Variants in SNW1 observed in about 807,000 individuals in gnomAD.
SNW1 encodes the protein SNW domain-containing protein 1.
A neutral mutation model predicts 75.6 loss-of-function variants in SNW1; 9 were observed. The observed-to-expected ratio is 0.12, with a 90% confidence interval of 0.07 to 0.21. The LOEUF is 0.21. SNW1 is among the 10% of genes least tolerant of loss of function. SNW1 has a pLI of 1.00. For missense variants in SNW1, 409 were observed against 670.9 expected (o/e 0.61, Z 4.31); for synonymous variants, 200 against 219.1 (o/e 0.91, Z 0.77).
chr14:77,744,446 C>CAAAAAAAAAAAAAAAAAAAAAAAAAGTAA (rs11335115), intron 3 of SNW1, among the ~76,000 whole-genome samples: 2 of 82,964 alleles, frequency 2.4e-5, no homozygotes, highest in Non-Finnish European at 2.2e-5. Flanking sequence ...GTCTCCATCT[C>CAAAAAAAAAAAAAAAAAAAAAAAAAGTAA]AAAAAAAAAA....
At chr14:77,722,472 T>C in intron 11 of SNW1, 1 of 454,118 alleles carries the variant, frequency 2.2e-6, no homozygotes, top group Non-Finnish European at 4.4e-6. Flanking sequence ...TAAAATGATC[T>C]CAATAAAAGC....
chr14:77,720,507 T>C (rs2080530510), intron 12 of SNW1: 1 of 714,526 alleles, frequency 1.4e-6, no homozygotes, highest in Admixed American at 2.0e-5. Flanking sequence ...AATTTCTTTC[T>C]TCTCCTAGTG....
chr14:77,760,552 G>A (rs1327341906), intron 1 of SNW1: 10 of 660,282 alleles, frequency 1.5e-5, no homozygotes, highest in Non-Finnish European at 2.2e-5. Flanking sequence ...GAAATTCTAA[G>A]CTCCAAAGTT....
intron 3 of SNW1, among the ~76,000 whole-genome samples, chr14:77,744,307 T>C (rs2080741656): frequency 6.6e-6 from 1 of 150,974 alleles, no homozygotes; most frequent in African/African-American, 2.4e-5. Context: ...ACAAAAAAAT[T>C]AGCTGGGCAT....
intron 2 of SNW1, among the ~76,000 whole-genome samples, chr14:77,751,842 A>AC: frequency 8.1e-6 from 1 of 124,168 alleles, no homozygotes; most frequent in South Asian, 2.8e-4. Context: ...ACACACACAC[A>AC]CACCACACAC....
chr14:77,751,847 A>ACAC lies in SNW1; in HGVS notation c.169-370_169-368dup, dbSNP rs1566836255. ...ACACACACACACACACACACACACCACACACACACACACACAAAGCATTTT... is the reference window on the plus strand; with the variant it reads ...ACACACACACACACACACACACACCACACCACACACACACACACAAAGCATTTT... On this transcript the variant is annotated intron_variant, in intron 2 of 13. Coordinates refer to ENST00000261531, the MANE Select transcript of SNW1 (RefSeq NM_012245.3). Among the ~76,000 whole-genome samples, 218 of 124,882 alleles carry ACAC rather than the reference A, an allele frequency of 1.7e-3. 2 individuals carry two copies. The Middle Eastern group carries it at 0.026, about 15-fold the overall frequency. The allele number at this position is 124,882 out of a possible 152,430, so 81.9% of individuals were successfully genotyped here.
At chr14:77,727,903 T>C (rs551087434) in intron 10 of SNW1, among the ~76,000 whole-genome samples, 19 of 152,318 alleles carry the variant, frequency 1.2e-4, no homozygotes, top group South Asian at 4.1e-4. Flanking sequence ...AATGACCTTG[T>C]AGAATGAATT....
At chr14:77,754,375 TAGAA>T (rs1040849531) in intron 2 of SNW1, among the ~76,000 whole-genome samples, 7 of 152,216 alleles carry the variant, frequency 4.6e-5, no homozygotes, top group Non-Finnish European at 1.0e-4. Flanking sequence ...AAGCTAGAGA[TAGAA>T]AGAGCTATTC....
At chr14:77,753,474 T>C (rs1016696186) in intron 2 of SNW1, among the ~76,000 whole-genome samples, 2 of 152,050 alleles carry the variant, frequency 1.3e-5, no homozygotes, top group East Asian at 3.9e-4. Context: ...TAAATAACAC[T>C]ATCAGAGAGA....
intron 3 of SNW1, among the ~76,000 whole-genome samples, chr14:77,747,151 G>A (rs1026488494): frequency 7.2e-5 from 11 of 152,198 alleles, no homozygotes; most frequent in African/African-American, 1.7e-4. Flanking sequence ...GCTCCTAACC[G>A]TGAGTGATCT....
Position 77,725,554 on chromosome 14 carries a change from C to T in SNW1, c.1034-2277G>A, listed in dbSNP as rs1002396155. 3.9e-5 allele frequency among the ~76,000 whole-genome samples: 6 copies of T among 152,276 alleles called. No homozygotes were observed. In the East Asian group the frequency reaches 5.8e-4, roughly 15 times the overall value. On this transcript the variant is annotated intron_variant, in intron 10 of 13. Transcript: ENST00000261531. ...TTTCATTCTTTTGCATGTGACTATT[C>T]GGTTTTCACAGCATTATGTATTGAA...
Position 77,734,928 on chromosome 14 carries a change from G to A in SNW1, c.774+19C>T. The A allele has an allele frequency of 6.4e-7, 1 of 1,560,806 alleles. No individual in the cohort carries two copies. The highest frequency in any genetic ancestry group is 8.8e-7 in the Non-Finnish European group (1 of 1,132,254). The stretch of plus-strand genomic sequence containing the variant: ...CCAGTAGGTTATACTAATAGAGACT[G>A]ATTTGACAACTTAATTACCTTTGCA... On this transcript the variant is annotated intron_variant, in intron 8 of 13. Coordinates refer to ENST00000261531, the MANE Select transcript of SNW1 (RefSeq NM_012245.3).
At position 77,738,811 on chromosome 14, in the gene SNW1, G is replaced by A. The variant is rs753124672; in HGVS notation, c.500C>T (p.Ala167Val). The A allele has an allele frequency of 2.9e-5, 47 of 1,614,130 alleles. No homozygotes were observed. The highest frequency in any genetic ancestry group is 3.2e-5 in the Non-Finnish European group (38 of 1,180,004). The change falls in exon 5 of 14, where the codon GCA becomes GTA. Residue 167 changes from alanine to valine, a missense_variant. Transcript: ENST00000261531. ...QKVAAAMPVR[A>V]ADKLAPAQYI... Reference sequence around the variant, plus strand: ...CTGAGCAGGAGCCAATTTGTCAGCTGCTCGAACTGGCATGGCTGCGGCGAC... The same window carrying A: ...CTGAGCAGGAGCCAATTTGTCAGCTACTCGAACTGGCATGGCTGCGGCGAC...
intron 12 of SNW1, chr14:77,720,371 G>A: frequency 1.6e-6 from 1 of 621,384 alleles, no homozygotes; most frequent in Non-Finnish European, 2.9e-6. Flanking sequence ...CTGACCTCAG[G>A]TGATCTGCCC....
intron 11 of SNW1, chr14:77,722,913 C>A (rs181900303): frequency 1.4e-5 from 6 of 414,942 alleles, no homozygotes; most frequent in Admixed American, 1.1e-4. Context: ...GGCGTGATCT[C>A]GGCTCACTGC....
At chr14:77,740,591 T>C (rs1048229268) in intron 3 of SNW1, among the ~76,000 whole-genome samples, 3 of 152,032 alleles carry the variant, frequency 2.0e-5, no homozygotes, top group African/African-American at 7.2e-5. Context: ...TTCTAGGCCT[T>C]TACAGAGTTC....
Position 77,718,296 on chromosome 14 carries a change from A to T in SNW1, c.1413-10T>A. ...CTTGTCGGGAACAAATCTAAGGAAA[A>T]GGAGAAAAAACTATGAACTACTTTG... On this transcript the variant is annotated splice_polypyrimidine_tract_variant and intron_variant, in intron 13 of 13. Coordinates refer to ENST00000261531, the MANE Select transcript of SNW1 (RefSeq NM_012245.3). 4 of 1,614,018 alleles carry T rather than the reference A, an allele frequency of 2.5e-6. No homozygotes were observed. Among genetic ancestry groups the T allele is most frequent in the Non-Finnish European group, 3.4e-6 (4 of 1,179,916 alleles).
At chr14:77,741,030 G>A (rs1429595159) in intron 3 of SNW1, among the ~76,000 whole-genome samples, 1 of 149,840 alleles carries the variant, frequency 6.7e-6, no homozygotes, top group Non-Finnish European at 1.5e-5. Context: ...CCAGGAGACG[G>A]AGGTGACAGT....
chr14:77,752,245 G>A (rs1443663984), intron 2 of SNW1, among the ~76,000 whole-genome samples: 2 of 152,100 alleles, frequency 1.3e-5, no homozygotes, highest in African/African-American at 4.8e-5. Flanking sequence ...TATGTGAGAA[G>A]CAAATGAATA....
Sources: allele counts gnomAD v4.1 joint callset (sites outside exome capture counted in the v4.1 genomes callset), GRCh38; gene constraint gnomAD v4.1.1; transcripts MANE v1.5; gene names NCBI Gene and HGNC (gene_info 2026-07-23, HGNC 2026-07-21).